Variants in DYNC2I1 observed in about 807,000 individuals in gnomAD.
The protein encoded by DYNC2I1 is cytoplasmic dynein 2 intermediate chain 1.
Under a neutral mutation model 133.4 loss-of-function variants are expected in DYNC2I1, and 89 were observed. The ratio of observed to expected loss-of-function variants is 0.67; its 90% CI spans 0.56 to 0.80. The LOEUF (loss-of-function observed/expected upper bound fraction) is 0.80, where lower values mean the gene tolerates loss of function less well. Ranked by LOEUF, DYNC2I1 falls within the 30% of genes least tolerant of loss-of-function variation. DYNC2I1 has a pLI of 0.00. For missense variants in DYNC2I1, 1,291 were observed against 1,314.5 expected (o/e 0.98, Z 0.28); for synonymous variants, 504 against 484.3 (o/e 1.04, Z -0.54).
In DYNC2I1 at chr7:158,923,748, C is replaced by T. The variant is rs993369163; in HGVS notation, c.2257+15C>T. The stretch of plus-strand genomic sequence containing the variant: ...GTTTTCCACCGGTCAGTGTCATCTG[C>T]CTGCCAATTGTGTGTCTGCTAGAAA... On this transcript the variant is annotated intron_variant, in intron 17 of 24. Transcript: ENST00000407559. 25 of 1,593,848 alleles carry T rather than the reference C, an allele frequency of 1.6e-5. No individual in the cohort carries two copies. The highest frequency in any genetic ancestry group is 1.7e-4 in the Middle Eastern group (1 of 5,992).
the DYNC2I1 span, among the ~76,000 whole-genome samples, chr7:158,845,676 T>G: frequency 3.3e-5 from 5 of 152,210 alleles, no homozygotes; most frequent in African/African-American, 1.2e-4. Flanking sequence ...CTGCAATTCA[T>G]AGACTATAAA....
chr7:158,933,631 C>T (rs1230677174), intron 21 of DYNC2I1, among the ~76,000 whole-genome samples: 1 of 152,224 alleles, frequency 6.6e-6, no homozygotes, highest in East Asian at 1.9e-4. Flanking sequence ...AGTTCTAGAC[C>T]AGTGGCCTCA....
At chr7:158,923,925 A>G (rs1469432642) in intron 17 of DYNC2I1, among the ~76,000 whole-genome samples, 192 bp downstream of exon 17, 1 of 152,256 alleles carries the variant, frequency 6.6e-6, no homozygotes, top group Non-Finnish European at 1.5e-5. Context: ...TCCAGTGACC[A>G]AGAATGACTT....
At position 158,945,503 on chromosome 7, in the gene DYNC2I1, A is replaced by G; in HGVS notation, c.3003-78A>G. 7.1e-7 allele frequency: 1 copy of G among 1,411,116 alleles called. No individual in the cohort carries two copies. Among genetic ancestry groups the G allele is most frequent in the Non-Finnish European group, 9.6e-7 (1 of 1,046,292 alleles). 87.4% of individuals were successfully genotyped at this position (1,411,116 alleles called of 1,614,324 possible). Reference sequence around the variant, plus strand: ...CCGTTTCACTCTTCCCATGGAAGGTAGACATTTTGAAGACTCAGACAGAAC... The same window carrying G: ...CCGTTTCACTCTTCCCATGGAAGGTGGACATTTTGAAGACTCAGACAGAAC... On this transcript the variant is annotated intron_variant, in intron 24 of 24. Coordinates refer to ENST00000407559, the MANE Select transcript of DYNC2I1 (RefSeq NM_018051.5). This position sits in a 1 kb window ranked among gnomAD's most constrained non-coding sequence, Gnocchi z 4.1.
chr7:158,894,389 T>A lies in DYNC2I1; in HGVS notation c.1059+3056T>A, dbSNP rs900703123. ...CTCAGCATTGTAAAGTAAAAAAAAA[T>A]AATAATACATTGAATCATTGTAAGT... is the stretch of plus-strand genomic sequence containing the variant. On this transcript the variant is annotated intron_variant, in intron 8 of 24. Coordinates refer to ENST00000407559, the MANE Select transcript of DYNC2I1 (RefSeq NM_018051.5). Among the ~76,000 whole-genome samples, 6 of 152,294 alleles carry A rather than the reference T, an allele frequency of 3.9e-5. No homozygotes were observed. In the South Asian group the frequency reaches 6.2e-4, roughly 16 times the overall value.
At chr7:158,910,408 GGGAGCGCGATT>G in intron 11 of DYNC2I1, among the ~76,000 whole-genome samples, 1 of 92,404 alleles carries the variant, frequency 1.1e-5, no homozygotes, top group Non-Finnish European at 2.0e-5. Flanking sequence ...TCAGACCTGT[GGGAGCGCGATT>G]GGCTGTGTCA....
Position 158,918,756 on chromosome 7 carries a change from T to C in DYNC2I1, c.1808T>C (p.Leu603Pro). The change falls in exon 15 of 25, where the codon CTG becomes CCG. Residue 603 changes from leucine (L) to proline (P), a missense_variant. Physicochemically the swap from Leu to Pro is moderately conservative, Grantham distance 98. Coordinates refer to ENST00000407559, the MANE Select transcript of DYNC2I1 (RefSeq NM_018051.5). The stretch of plus-strand genomic sequence containing the variant: ...GTCTGACAGGTGATGGCCGTTTTGC[T>C]GGAAGAGGATCGCTTGGCAGCTGAA... ...RAACQVMAVL[L>P]EEDRLAAEPS... 6.2e-7 allele frequency: 1 copy of C among 1,613,836 alleles called. No individual in the cohort carries two copies. Among genetic ancestry groups the C allele is most frequent in the Non-Finnish European group, 8.5e-7 (1 of 1,179,830 alleles).
At chr7:158,913,894 G>T (rs1328920871) in intron 13 of DYNC2I1, among the ~76,000 whole-genome samples, 7 of 152,124 alleles carry the variant, frequency 4.6e-5, no homozygotes, top group African/African-American at 1.7e-4. Flanking sequence ...TTTTTTAGTA[G>T]AGATGGGGTT....
intron 1 of DYNC2I1, among the ~76,000 whole-genome samples, chr7:158,857,898 C>A (rs181266759): frequency 6.0e-5 from 9 of 151,008 alleles, no homozygotes; most frequent in African/African-American, 1.9e-4. Context: ...TCCAGCGATT[C>A]TCCTGCCTCA....
intron 1 of DYNC2I1, among the ~76,000 whole-genome samples, chr7:158,860,481 T>TA (rs1841774569): frequency 6.6e-6 from 1 of 152,234 alleles, no homozygotes; most frequent in Admixed American, 6.5e-5. Context: ...ACTGAGATCA[T>TA]ACCAAGTTTC....
At chr7:158,954,183 T>G (rs1852138539) in intron 4 of DYNC2I1, among the ~76,000 whole-genome samples, 1 of 152,182 alleles carries the variant, frequency 6.6e-6, no homozygotes, top group Non-Finnish European at 1.5e-5. Context: ...TTGGCCATGA[T>G]TGTGAGGCCT....
chr7:158,880,072 G>C lies in DYNC2I1; in HGVS notation c.879+83G>C, dbSNP rs568894127. 4 of 1,482,270 alleles carry C rather than the reference G, an allele frequency of 2.7e-6. No individual in the cohort carries two copies. In the East Asian group the frequency reaches 6.8e-5, roughly 25 times the overall value. The allele number at this position is 1,482,270 out of a possible 1,614,324, so 91.8% of individuals were successfully genotyped here. A position where few individuals can be genotyped will look rare whatever the true frequency, so the allele number is the denominator to read the frequency against. ...GGAGGCTTACCGGGCGGTGTCGCCA[G>C]ACAAGGTTGAGATTTGTGGCCTAGT... On this transcript the variant is annotated intron_variant, in intron 5 of 24. Transcript: ENST00000407559.
intron 10 of DYNC2I1, 56 bp downstream of exon 10, chr7:158,902,651 G>A: frequency 6.6e-7 from 1 of 1,507,822 alleles, no homozygotes. Flanking sequence ...TGTGTACTGA[G>A]CCCTCACAGA....
chr7:158,896,866 G>GTT (rs71523866), intron 8 of DYNC2I1, among the ~76,000 whole-genome samples: 5 of 144,006 alleles, frequency 3.5e-5, no homozygotes, highest in Non-Finnish European at 6.1e-5. Flanking sequence ...TTGGTCTGTA[G>GTT]TTTTTTTTTT....
upstream of DYNC2I1, among the ~76,000 whole-genome samples, chr7:158,855,671 G>A (rs1841177115): frequency 6.6e-6 from 1 of 152,220 alleles, no homozygotes; most frequent in Admixed American, 6.5e-5. Context: ...TTGGAGGTCA[G>A]AAGCAAGATG....
At chr7:158,944,103 T>C (rs563194292) in intron 24 of DYNC2I1, among the ~76,000 whole-genome samples, 2 of 152,304 alleles carry the variant, frequency 1.3e-5, no homozygotes, top group South Asian at 4.1e-4. Flanking sequence ...CAAGCAAGGA[T>C]TTAACACTTT....
At position 158,879,888 on chromosome 7, in the gene DYNC2I1, C is replaced by G. The variant is rs1412188940; in HGVS notation, c.778C>G (p.Arg260Gly). The G allele has an allele frequency of 6.2e-7, 1 of 1,613,424 alleles. No individual in the cohort carries two copies. Residue 260 changes from arginine to glycine, a missense_variant, in exon 5 of 25, where the codon CGA (arginine) becomes GGA (glycine). Transcript: ENST00000407559. ...DKGEERHKEK[R>G]HKEGFHFDDE... ...AGGGGAAGAAAGACATAAAGAAAAG[C>G]GACACAAAGAAGGTTTTCATTTTGA...
chr7:158,916,640 T>A (rs1848348048), intron 14 of DYNC2I1, among the ~76,000 whole-genome samples: 2 of 75,150 alleles, frequency 2.7e-5, no homozygotes, highest in Non-Finnish European at 6.3e-5. Context: ...GTCTACACGC[T>A]GGTTGACATT....
At chr7:158,890,029 A>AAG in intron 7 of DYNC2I1, among the ~76,000 whole-genome samples, 1 of 148,590 alleles carries the variant, frequency 6.7e-6, no homozygotes, top group South Asian at 2.1e-4. Context: ...AAAAAAAAAA[A>AAG]TAGAGGTAGG....
Sources: allele counts gnomAD v4.1 joint callset (sites outside exome capture counted in the v4.1 genomes callset), GRCh38; gene constraint gnomAD v4.1.1; non-coding constraint Gnocchi (gnomAD v3.1); transcripts MANE v1.5; gene names NCBI Gene and HGNC (gene_info 2026-07-23, HGNC 2026-07-21).